CENPP: variants seen among roughly 807,000 people sequenced by gnomAD.
The protein encoded by CENPP is centromere protein P.
Under a neutral mutation model 35.6 loss-of-function variants are expected in CENPP, and 24 were observed. The observed-to-expected ratio is 0.67, with a 90% CI of 0.49 to 0.95. The LOEUF (loss-of-function observed/expected upper bound fraction) is 0.95. Ranked by LOEUF, CENPP falls within the 40% of genes least tolerant of loss-of-function variation. The pLI is 0.00. For synonymous variants in CENPP, 120 were observed against 125.5 expected, an observed-to-expected ratio of 0.96 and a Z score of 0.29; for missense variants, 332 against 345.3, an observed-to-expected ratio of 0.96 and a Z score of 0.31.
intron 5 of CENPP, among the ~76,000 whole-genome samples, chr9:92,410,906 C>T (rs1843426828): frequency 6.6e-6 from 1 of 152,148 alleles, no homozygotes; most frequent in Non-Finnish European, 1.5e-5. Context: ...AACTAAATAA[C>T]TCACTCAAAG....
intron 5 of CENPP, among the ~76,000 whole-genome samples, chr9:92,430,282 A>C (rs1295055120): frequency 6.6e-6 from 1 of 151,826 alleles, no homozygotes; most frequent in African/African-American, 2.4e-5. Flanking sequence ...TCTTTTGCTT[A>C]ATGACTTCTA....
chr9:92,416,480 G>T, intron 5 of CENPP: 1 of 574,014 alleles, frequency 1.7e-6, no homozygotes, highest in South Asian at 2.8e-5. Context: ...CTCTGGGGCA[G>T]ATTTCTGCCA....
At chr9:92,600,629 C>A in intron 5 of CENPP, 3 of 1,507,678 alleles carry the variant, frequency 2.0e-6, no homozygotes, top group Non-Finnish European at 2.7e-6. Flanking sequence ...AAGTCATGCC[C>A]TGGTCGGCCA....
At chr9:92,446,729 T>C (rs1844560625) in intron 5 of CENPP, among the ~76,000 whole-genome samples, 1 of 150,562 alleles carries the variant, frequency 6.6e-6, no homozygotes, top group Admixed American at 6.6e-5. Flanking sequence ...TAACACACAG[T>C]CCTTGCAACC....
chr9:92,553,503 A>G (rs13301652), intron 5 of CENPP, among the ~76,000 whole-genome samples: 63,470 of 151,898 alleles, frequency 0.42, 15,439 homozygotes, highest in African/African-American at 0.67. Context: ...TGGCAGTATG[A>G]TCATTTCCAC....
intron 5 of CENPP, among the ~76,000 whole-genome samples, chr9:92,432,122 C>T (rs987362545): frequency 2.0e-5 from 3 of 151,936 alleles, no homozygotes; most frequent in Non-Finnish European, 4.4e-5. Context: ...GTCAGGAGTT[C>T]GAGACCAGCC....
chr9:92,343,792 A>T (rs531994683), intron 3 of CENPP, among the ~76,000 whole-genome samples: 10 of 152,002 alleles, frequency 6.6e-5, no homozygotes, highest in Middle Eastern at 3.4e-3. Flanking sequence ...AAAAATATAT[A>T]TTTTTTTAAA....
intron 5 of CENPP, among the ~76,000 whole-genome samples, chr9:92,436,437 T>C (rs1844247832): frequency 6.6e-6 from 1 of 152,232 alleles, no homozygotes; most frequent in East Asian, 1.9e-4. Flanking sequence ...TCTTTTTTCT[T>C]TTGTAGATCA....
intron 4 of CENPP, among the ~76,000 whole-genome samples, chr9:92,349,883 T>C (rs1440249728): frequency 6.6e-6 from 1 of 151,910 alleles, no homozygotes; most frequent in African/African-American, 2.4e-5. Context: ...TCACTAGAGG[T>C]TTTTGTGTGA....
At chr9:92,558,834 T>A (rs1849782906) in intron 5 of CENPP, among the ~76,000 whole-genome samples, 1 of 151,888 alleles carries the variant, frequency 6.6e-6, no homozygotes, top group South Asian at 2.1e-4. Context: ...TGGGGTGAGA[T>A]TCCCAGGTCA....
At chr9:92,345,828 T>C (rs770994099) in intron 4 of CENPP, 41 bp downstream of exon 4, 1 of 1,198,202 alleles carries the variant, frequency 8.3e-7, no homozygotes, top group Non-Finnish European at 1.2e-6. Context: ...AGAAAAAAAG[T>C]AAATTTACAC....
intron 5 of CENPP, among the ~76,000 whole-genome samples, chr9:92,430,812 G>T (rs951622281): frequency 6.6e-6 from 1 of 151,756 alleles, no homozygotes; most frequent in African/African-American, 2.4e-5. Context: ...TTTATTTGTT[G>T]TTGAGATGGA....
intron 5 of CENPP, among the ~76,000 whole-genome samples, chr9:92,558,191 A>G (rs1048874210): frequency 1.1e-4 from 16 of 152,024 alleles, no homozygotes; most frequent in South Asian, 2.1e-4. Context: ...AACTAATGTG[A>G]TTTTTGGGGG....
intron 5 of CENPP, among the ~76,000 whole-genome samples, chr9:92,457,789 C>G (rs73520549): frequency 6.6e-6 from 1 of 152,056 alleles, no homozygotes. Context: ...TACATACATA[C>G]GTACATACAT....
At chr9:92,336,669 G>A (rs912025625) in intron 2 of CENPP, among the ~76,000 whole-genome samples, 2 of 152,234 alleles carry the variant, frequency 1.3e-5, no homozygotes, top group Admixed American at 6.5e-5. Context: ...CCTCTTGGGG[G>A]TAGGGAATAG....
chr9:92,532,039 T>TTTTTTTTTTTTTTTC (rs1848826400), intron 5 of CENPP, among the ~76,000 whole-genome samples: 1 of 141,098 alleles, frequency 7.1e-6, no homozygotes, highest in Admixed American at 6.9e-5. Flanking sequence ...ATTTTATTTT[T>TTTTTTTTTTTTTTTC]TTTTTGAGAT....
rs1588322182 is a variant in CENPP at position 92,613,201 on chromosome 9, A to G, written c.*52A>G. On this transcript the variant is annotated 3_prime_UTR_variant, in exon 8 of 8. Transcript: ENST00000375587. ...AAGATGCTGCGTGGAGGAACATGCA[A>G]TTTTATTCAATATAAACATTTGCTA... The G allele has an allele frequency of 3.7e-6, 6 of 1,608,516 alleles. No individual in the cohort carries two copies. In the African/African-American group the frequency reaches 4.0e-5, roughly 11 times the overall value.
intron 5 of CENPP, among the ~76,000 whole-genome samples, chr9:92,450,238 C>A (rs1194332205): frequency 8.0e-6 from 1 of 124,638 alleles, no homozygotes; most frequent in Admixed American, 8.8e-5. Context: ...AAAGCTATCC[C>A]TCCCCCCTCC....
intron 4 of CENPP, among the ~76,000 whole-genome samples, chr9:92,367,807 G>A (rs557759511): frequency 6.6e-6 from 1 of 152,176 alleles, no homozygotes; most frequent in East Asian, 1.9e-4. Context: ...TAGTAGAGAT[G>A]GGGTTTCACC....
Sources: gnomAD v4.1 joint callset for allele counts (sites outside exome capture counted in the v4.1 genomes callset) on GRCh38, gnomAD v4.1.1 for gene constraint, MANE v1.5 for transcripts, NCBI Gene and HGNC (gene_info 2026-07-23, HGNC 2026-07-21) for gene names.